GTF2F2: variants seen among roughly 807,000 people sequenced by gnomAD.
The protein encoded by GTF2F2 is ATP-dependent helicase GTF2F2.
A neutral mutation model predicts 42.2 loss-of-function variants in GTF2F2; 23 were observed. The observed-to-expected ratio is 0.55, with a 90% CI of 0.39 to 0.77. The LOEUF (loss-of-function observed/expected upper bound fraction) is 0.77. Ranked by LOEUF, GTF2F2 falls within the 30% of genes least tolerant of loss-of-function variation. GTF2F2 has a pLI of 0.00. For missense variants in GTF2F2, 261 were observed against 287.2 expected, an observed-to-expected ratio of 0.91 and a Z score of 0.66; for synonymous variants, 105 against 100.8, an observed-to-expected ratio of 1.04 and a Z score of -0.25.
intron 1 of GTF2F2, among the ~76,000 whole-genome samples, chr13:45,123,588 C>A (rs1868798696): frequency 6.6e-6 from 1 of 151,356 alleles, no homozygotes; most frequent in African/African-American, 2.4e-5. Context: ...GAGATCACAC[C>A]CCTTGTACTC....
chr13:45,181,028 G>C (rs1872130407), intron 4 of GTF2F2, among the ~76,000 whole-genome samples: 1 of 151,856 alleles, frequency 6.6e-6, no homozygotes, highest in Non-Finnish European at 1.5e-5. Flanking sequence ...CAGGCATAGT[G>C]GTACGTGCCG....
At chr13:45,134,662 T>A (rs1266166070) in intron 1 of GTF2F2, among the ~76,000 whole-genome samples, 1 of 152,176 alleles carries the variant, frequency 6.6e-6, no homozygotes, top group Admixed American at 6.5e-5. Context: ...GTGGAAGTTT[T>A]GTTGAGATAT....
intron 4 of GTF2F2, among the ~76,000 whole-genome samples, chr13:45,158,427 A>AT (rs1870871480): frequency 1.3e-5 from 2 of 152,162 alleles, no homozygotes; most frequent in African/African-American, 2.4e-5. Flanking sequence ...TGGGTATGTC[A>AT]TTATCAGCAG....
intron 5 of GTF2F2, among the ~76,000 whole-genome samples, chr13:45,232,244 G>A (rs1412870071): frequency 6.6e-6 from 1 of 152,176 alleles, no homozygotes; most frequent in Non-Finnish European, 1.5e-5. Context: ...AGGGTTAGAA[G>A]TTGAGATTTC....
At chr13:45,267,740 T>C (rs747421781) in intron 7 of GTF2F2, among the ~76,000 whole-genome samples, 6 of 152,110 alleles carry the variant, frequency 3.9e-5, no homozygotes, top group Non-Finnish European at 7.4e-5. Context: ...AAAATCGCAT[T>C]CTTTAAAGAA....
intron 1 of GTF2F2, among the ~76,000 whole-genome samples, chr13:45,128,373 G>C (rs950325365): frequency 6.7e-6 from 1 of 148,792 alleles, no homozygotes; most frequent in African/African-American, 2.4e-5. Context: ...AGGAGTTCGA[G>C]ACCAGCCTGA....
intron 4 of GTF2F2, among the ~76,000 whole-genome samples, chr13:45,196,796 G>C (rs1872918075): frequency 1.3e-5 from 2 of 152,164 alleles, no homozygotes; most frequent in South Asian, 4.1e-4. Context: ...CAATGCTGTT[G>C]CTGTTGGAGG....
chr13:45,254,446 A>G (rs952645089), intron 6 of GTF2F2, among the ~76,000 whole-genome samples: 5 of 152,206 alleles, frequency 3.3e-5, no homozygotes, highest in Non-Finnish European at 5.9e-5. Flanking sequence ...TATACAATAT[A>G]CACATTTATT....
At chr13:45,197,602 A>C (rs1253532351) in intron 4 of GTF2F2, among the ~76,000 whole-genome samples, 1 of 152,020 alleles carries the variant, frequency 6.6e-6, no homozygotes, top group Non-Finnish European at 1.5e-5. Flanking sequence ...TAGTTCATGG[A>C]AATTATAGGA....
intron 5 of GTF2F2, among the ~76,000 whole-genome samples, chr13:45,215,103 A>C (rs1334923706): frequency 6.6e-6 from 1 of 152,224 alleles, no homozygotes; most frequent in Non-Finnish European, 1.5e-5. Flanking sequence ...CAAAAATCTG[A>C]AATCATTTCA....
intron 1 of GTF2F2, among the ~76,000 whole-genome samples, chr13:45,125,364 G>C (rs1868932888): frequency 6.6e-6 from 1 of 151,756 alleles, no homozygotes; most frequent in Non-Finnish European, 1.5e-5. Flanking sequence ...TCTTTTGCCA[G>C]GCTGGAGTGC....
intron 5 of GTF2F2, chr13:45,219,545 G>C (rs971011584): frequency 6.6e-6 from 1 of 152,242 alleles, no homozygotes; most frequent in South Asian, 2.1e-4. Context: ...TCTAATTTCT[G>C]ATTTTTTAAT....
At chr13:45,188,441 G>A (rs1872511528) in intron 4 of GTF2F2, among the ~76,000 whole-genome samples, 1 of 152,154 alleles carries the variant, frequency 6.6e-6, no homozygotes, top group African/African-American at 2.4e-5. Flanking sequence ...TCATGTGTAA[G>A]TAGAAAGCCT....
chr13:45,151,910 G>GA, intron 4 of GTF2F2, 79 bp downstream of exon 4: 1 of 286,178 alleles, frequency 3.5e-6, no homozygotes, highest in Non-Finnish European at 5.9e-6. Flanking sequence ...ACTCCTATTT[G>GA]CTTTTTTTTT....
intron 2 of GTF2F2, among the ~76,000 whole-genome samples, chr13:45,146,402 G>C (rs1870196895): frequency 6.6e-6 from 1 of 152,080 alleles, no homozygotes; most frequent in African/African-American, 2.4e-5. Flanking sequence ...CAGAGGCTGA[G>C]GTGGGAGGAT....
At chr13:45,187,146 T>G (rs1036133145) in intron 4 of GTF2F2, among the ~76,000 whole-genome samples, 24 of 152,104 alleles carry the variant, frequency 1.6e-4, no homozygotes, top group African/African-American at 5.3e-4. Context: ...TCCCAGCACT[T>G]TGGGAGACCA....
At chr13:45,129,172 A>G (rs1869206344) in intron 1 of GTF2F2, among the ~76,000 whole-genome samples, 2 of 152,142 alleles carry the variant, frequency 1.3e-5, no homozygotes, top group South Asian at 2.1e-4. Flanking sequence ...GCAAAGTAGT[A>G]GGTTAGAAAA....
At chr13:45,141,632 A>G (rs944962947) in intron 2 of GTF2F2, among the ~76,000 whole-genome samples, 1 of 152,192 alleles carries the variant, frequency 6.6e-6, no homozygotes, top group African/African-American at 2.4e-5. Context: ...TAGGGATCCA[A>G]CCAAAGTTCC....
intron 4 of GTF2F2, among the ~76,000 whole-genome samples, chr13:45,195,625 C>T (rs1282931965): frequency 6.6e-6 from 1 of 152,162 alleles, no homozygotes; most frequent in Non-Finnish European, 1.5e-5. Context: ...TGAATGATGT[C>T]ACCCTCCACT....
Sources: allele counts gnomAD v4.1 joint callset (sites outside exome capture counted in the v4.1 genomes callset), GRCh38; gene constraint gnomAD v4.1.1; transcripts MANE v1.5; gene names NCBI Gene and HGNC (gene_info 2026-07-23, HGNC 2026-07-21).